The following ZNF536 variants were observed in gnomAD, a reference collection of about 807,000 sequenced individuals.
ZNF536 encodes zinc finger protein 536.
ZNF536 carries 13 observed loss-of-function variants against 84.5 expected under a neutral mutation model. That is an observed-to-expected ratio of 0.15 (90% CI 0.10 to 0.24). ZNF536 has a LOEUF of 0.24. Among genes scored for constraint, ZNF536 ranks in the 10% least tolerant of loss-of-function variants. The pLI is 1.00. For missense variants in ZNF536, 1,536 were observed against 1,747.5 expected, an observed-to-expected ratio of 0.88 and a Z score of 2.16; for synonymous variants, 811 against 742.5, an observed-to-expected ratio of 1.09 and a Z score of -1.50.
chr19:30,255,665 A>T (rs1227158877), intron 1 of ZNF536, among the ~76,000 whole-genome samples: 1 of 152,202 alleles, frequency 6.6e-6, no homozygotes, highest in African/African-American at 2.4e-5. Context: ...AATAAAAAAA[A>T]TGTCTTTCTG....
At chr19:30,229,063 G>A (rs2022812556) in intron 1 of ZNF536, among the ~76,000 whole-genome samples, 1 of 152,132 alleles carries the variant, frequency 6.6e-6, no homozygotes, top group Non-Finnish European at 1.5e-5. Context: ...GCGCCGCGCC[G>A]TAAATGCAAG....
chr19:30,402,822 T>TATATATATATATATATAA (rs1331644147), intron 1 of ZNF536, among the ~76,000 whole-genome samples: 128 of 142,520 alleles, frequency 9.0e-4, no homozygotes, highest in Non-Finnish European at 1.7e-3. Context: ...TATATATATA[T>TATATATATATATATATAA]AATTTTCAAA....
chr19:30,693,143 C>A (rs1440529047), intron 1 of ZNF536, among the ~76,000 whole-genome samples: 7 of 152,148 alleles, frequency 4.6e-5, no homozygotes, highest in African/African-American at 1.7e-4. Context: ...GGACACCCCC[C>A]ACTCATTTTA....
At chr19:30,410,651 G>A (rs1363414554) in intron 1 of ZNF536, among the ~76,000 whole-genome samples, 56 of 147,820 alleles carry the variant, frequency 3.8e-4, no homozygotes, top group Admixed American at 3.4e-4. Context: ...ATTTTTTTTT[G>A]TGTTTTTTAG....
chr19:30,372,075 G>A (rs1290454916), upstream of ZNF536, among the ~76,000 whole-genome samples: 1 of 152,188 alleles, frequency 6.6e-6, no homozygotes. Flanking sequence ...TGGGTTGACA[G>A]TCTTTCATGC....
intron 1 of ZNF536, among the ~76,000 whole-genome samples, chr19:30,384,599 G>T (rs1162895846): frequency 1.3e-5 from 2 of 151,878 alleles, no homozygotes; most frequent in Non-Finnish European, 2.9e-5. Context: ...CTGGACACAG[G>T]ATTCTTCTTC....
At chr19:30,650,119 G>A (rs528506645) in intron 1 of ZNF536, among the ~76,000 whole-genome samples, 2 of 152,264 alleles carry the variant, frequency 1.3e-5, no homozygotes, top group Non-Finnish European at 2.9e-5. Context: ...TTACATTTAC[G>A]TCAAAAATTA....
chr19:30,653,049 G>T (rs2049769313), intron 1 of ZNF536, among the ~76,000 whole-genome samples: 1 of 152,210 alleles, frequency 6.6e-6, no homozygotes, highest in Admixed American at 6.5e-5. Context: ...GGGTGGAAAA[G>T]ATTAAACATG....
intron 2 of ZNF536, among the ~76,000 whole-genome samples, chr19:30,473,013 G>A (rs1257574779): frequency 2.1e-5 from 3 of 145,914 alleles, no homozygotes; most frequent in Non-Finnish European, 4.5e-5. Flanking sequence ...CCAACATGGT[G>A]TAAACCGATC....
intron 1 of ZNF536, among the ~76,000 whole-genome samples, chr19:30,684,441 C>G (rs2051094812): frequency 2.0e-5 from 3 of 152,172 alleles, no homozygotes; most frequent in African/African-American, 7.2e-5. Flanking sequence ...CTTGGCCTCA[C>G]AAAAATCTTA....
intron 1 of ZNF536, among the ~76,000 whole-genome samples, chr19:30,274,063 A>G (rs906167262): frequency 2.0e-4 from 31 of 152,248 alleles, no homozygotes; most frequent in African/African-American, 5.8e-4. Context: ...AATTTTAAAA[A>G]GTAAAAAGTA....
intron 1 of ZNF536, among the ~76,000 whole-genome samples, chr19:30,587,500 C>T (rs895974970): frequency 6.6e-6 from 1 of 152,258 alleles, no homozygotes; most frequent in Middle Eastern, 3.4e-3. Flanking sequence ...CCGGGGGTGC[C>T]TGGTTTTGCT....
At chr19:30,472,064 TA>T (rs1330233987) in intron 2 of ZNF536, among the ~76,000 whole-genome samples, 2 of 152,224 alleles carry the variant, frequency 1.3e-5, no homozygotes, top group Non-Finnish European at 2.9e-5. Context: ...GGCATCGCGC[TA>T]CCTGGTCTCA....
chr19:30,526,715 C>G (rs1239581314), intron 2 of ZNF536, among the ~76,000 whole-genome samples: 2 of 95,822 alleles, frequency 2.1e-5, no homozygotes, highest in African/African-American at 3.9e-5. Context: ...CAGAGCGAGA[C>G]TCCGTCTCAA....
chr19:30,389,131 CT>C (rs2049471021), intron 1 of ZNF536, among the ~76,000 whole-genome samples: 1 of 152,226 alleles, frequency 6.6e-6, no homozygotes, highest in Non-Finnish European at 1.5e-5. Flanking sequence ...TGGGACCCCC[CT>C]AGTGTGAGTT....
At position 30,387,402 on chromosome 19, in the gene ZNF536, G is replaced by A. The variant is rs114454192; in HGVS notation, c.-3+14846G>A. 4.5e-3 allele frequency among the ~76,000 whole-genome samples: 682 copies of A among 152,340 alleles called. 7 individuals carry two copies. The highest frequency in any genetic ancestry group is 0.015 in the African/African-American group (635 of 41,580). On this transcript the variant is annotated intron_variant, in intron 1 of 4. Coordinates refer to ENST00000355537, the MANE Select transcript of ZNF536 (RefSeq NM_014717.3). ...GGCCCCAAAGACCCCATTCAGGGAG[G>A]CTGATGCAGGGGCCATGCTTGAGAG...
chr19:30,508,149 C>G (rs530045081), intron 2 of ZNF536, among the ~76,000 whole-genome samples: 15 of 152,324 alleles, frequency 9.8e-5, no homozygotes, highest in Non-Finnish European at 1.6e-4. Context: ...TCGGCTCCCC[C>G]TGCCTCACCA....
chr19:30,620,797 G>A (rs899948873), intron 1 of ZNF536, among the ~76,000 whole-genome samples: 7 of 151,966 alleles, frequency 4.6e-5, no homozygotes, highest in Admixed American at 6.5e-5. Flanking sequence ...TCCTCCCTCC[G>A]GCAGATCTGT....
chr19:30,631,504 T>C (rs998683069), intron 1 of ZNF536, among the ~76,000 whole-genome samples: 2 of 152,186 alleles, frequency 1.3e-5, no homozygotes, highest in African/African-American at 2.4e-5. Context: ...GAATGTCTTC[T>C]TTACCCCTCT....
Sources: allele counts gnomAD v4.1 joint callset (sites outside exome capture counted in the v4.1 genomes callset), GRCh38; gene constraint gnomAD v4.1.1; transcripts MANE v1.5; gene names NCBI Gene and HGNC (gene_info 2026-07-23, HGNC 2026-07-21).